ITPR2: variants seen among roughly 807,000 people sequenced by gnomAD.
ITPR2 encodes the protein inositol 1,4,5-trisphosphate receptor type 2.
In ITPR2, 207 loss-of-function variants were observed where a neutral mutation model predicts 317.1. That is an observed-to-expected ratio of 0.65 (90% confidence interval 0.58 to 0.73). The LOEUF (loss-of-function observed/expected upper bound fraction) is 0.73. ITPR2 is among the 30% of genes least tolerant of loss of function. ITPR2 has a pLI of 0.00. For synonymous variants in ITPR2, 1,156 were observed against 1,149.1 expected, an observed-to-expected ratio of 1.01 and a Z score of -0.12; for missense variants, 2,613 against 3,284.0, an observed-to-expected ratio of 0.80 and a Z score of 4.99.
intron 2 of ITPR2, among the ~76,000 whole-genome samples, chr12:26,733,365 C>T (rs1259938485): frequency 6.6e-6 from 1 of 150,984 alleles, no homozygotes; most frequent in Non-Finnish European, 1.5e-5. Flanking sequence ...AACCACTGGC[C>T]AGAAAGTGAA....
chr12:26,372,380 T>G (rs1235797903), intron 55 of ITPR2, among the ~76,000 whole-genome samples: 2 of 152,240 alleles, frequency 1.3e-5, no homozygotes, highest in Non-Finnish European at 2.9e-5. Flanking sequence ...TACAGTTTAA[T>G]TTAAAATGTA....
intron 2 of ITPR2, among the ~76,000 whole-genome samples, chr12:26,746,102 G>A (rs1949317871): frequency 2.0e-5 from 3 of 151,820 alleles, no homozygotes. Context: ...TTACCCAGAA[G>A]AATAGGGGTT....
intron 5 of ITPR2, among the ~76,000 whole-genome samples, chr12:26,720,739 T>C (rs1207307099): frequency 2.0e-5 from 3 of 152,142 alleles, no homozygotes; most frequent in Admixed American, 2.0e-4. Flanking sequence ...CAAGATTGAG[T>C]GTTTGGGTGG....
At chr12:26,821,000 C>G (rs1950930279) in intron 1 of ITPR2, among the ~76,000 whole-genome samples, 1 of 152,078 alleles carries the variant, frequency 6.6e-6, no homozygotes. Context: ...AATTTATTTT[C>G]TAAAGGATAC....
chr12:26,450,736 A>G (rs150706545), intron 45 of ITPR2, among the ~76,000 whole-genome samples: 10 of 152,306 alleles, frequency 6.6e-5, no homozygotes, highest in African/African-American at 1.9e-4. Flanking sequence ...AATATCCAGC[A>G]TAAGTCTCAA....
At chr12:26,665,120 C>T (rs1947595149) in intron 14 of ITPR2, among the ~76,000 whole-genome samples, 1 of 152,150 alleles carries the variant, frequency 6.6e-6, no homozygotes, top group South Asian at 2.1e-4. Context: ...GTGTTATGAA[C>T]AATTTCAAGA....
intron 37 of ITPR2, among the ~76,000 whole-genome samples, chr12:26,501,974 C>T (rs1412538621): frequency 6.6e-6 from 1 of 152,116 alleles, no homozygotes; most frequent in Non-Finnish European, 1.5e-5. Flanking sequence ...TTTGATGCTG[C>T]TGCTGAATGA....
chr12:26,585,269 T>C (rs60341183), intron 32 of ITPR2, among the ~76,000 whole-genome samples: 32,311 of 152,172 alleles, frequency 0.21, 3,582 homozygotes, highest in Middle Eastern at 0.27. Context: ...CCTTTTATAC[T>C]TCATGCTTAA....
Position 26,507,863 on chromosome 12 carries a change from C to CTCTCTGTGTGTG in ITPR2, c.5074-12604_5074-12603insCACACACAGAGA, listed in dbSNP as rs372756412. Among the ~76,000 whole-genome samples, 875 of 132,272 alleles carry CTCTCTGTGTGTG rather than the reference C, an allele frequency of 6.6e-3. 8 individuals are homozygous for CTCTCTGTGTGTG. The highest frequency in any genetic ancestry group is 0.021 in the African/African-American group (744 of 36,212). The allele number at this position is 132,272 out of a possible 152,430, so 86.8% of individuals were successfully genotyped here. Reference sequence around the variant, plus strand: ...TCTCTCTACTCTTCTCTCTCTGTCTCTGTGTGTGTGTGTGTGTGTGTGTGT... The same window carrying CTCTCTGTGTGTG: ...TCTCTCTACTCTTCTCTCTCTGTCTCTCTCTGTGTGTGTGTGTGTGTGTGTGTGTGTGTGTGT... On this transcript the variant is annotated intron_variant, in intron 37 of 56. Coordinates refer to ENST00000381340, the MANE Select transcript of ITPR2 (RefSeq NM_002223.4).
At chr12:26,412,733 A>C (rs987316565) in intron 51 of ITPR2, among the ~76,000 whole-genome samples, 1 of 152,180 alleles carries the variant, frequency 6.6e-6, no homozygotes, top group African/African-American at 2.4e-5. Flanking sequence ...CATAGGACTT[A>C]GATTCATCAA....
At chr12:26,670,504 G>A (rs1947742325) in intron 13 of ITPR2, among the ~76,000 whole-genome samples, 1 of 152,170 alleles carries the variant, frequency 6.6e-6, no homozygotes, top group Non-Finnish European at 1.5e-5. Flanking sequence ...CTGTTAGAAG[G>A]AAAACTAACA....
chr12:26,768,428 A>T (rs1239913783), intron 2 of ITPR2, among the ~76,000 whole-genome samples: 38 of 63,034 alleles, frequency 6.0e-4, no homozygotes, highest in Non-Finnish European at 2.0e-3. Context: ...AAAAAATTAA[A>T]AAAAAATAAA....
chr12:26,832,604 G>C (rs11048706), intron 1 of ITPR2, 86 bp downstream of exon 1: 193,141 of 1,019,062 alleles, frequency 0.19, 19,512 homozygotes, highest in Non-Finnish European at 0.21. Flanking sequence ...GCGCGGCAGC[G>C]GGAGGACCGG....
chr12:26,728,217 G>A (rs2137055877), intron 2 of ITPR2, among the ~76,000 whole-genome samples: 2 of 152,280 alleles, frequency 1.3e-5, no homozygotes, highest in South Asian at 4.1e-4. Flanking sequence ...CAGTAGGGAT[G>A]GAACTGGGGC....
intron 2 of ITPR2, among the ~76,000 whole-genome samples, chr12:26,789,626 T>C (rs1950310798): frequency 6.6e-6 from 1 of 152,242 alleles, no homozygotes; most frequent in South Asian, 2.1e-4. Context: ...AGTTGAGTTA[T>C]AATCAATCTC....
At chr12:26,732,208 A>G (rs1013395277) in intron 2 of ITPR2, among the ~76,000 whole-genome samples, 1 of 152,226 alleles carries the variant, frequency 6.6e-6, no homozygotes, top group African/African-American at 2.4e-5. Context: ...GTCAATTATT[A>G]TACTACGAAA....
In ITPR2 at chr12:26,439,131, G is replaced by C; in HGVS notation, c.6639C>G (p.Ile2213Met). The C allele has an allele frequency of 6.2e-7, 1 of 1,601,606 alleles. No homozygotes were observed. The highest frequency in any genetic ancestry group is 8.5e-7 in the Non-Finnish European group (1 of 1,172,404). The change falls in exon 47 of 57, where the codon ATC (isoleucine) becomes ATG (methionine). Residue 2213 changes from isoleucine to methionine, a missense_variant. Around this residue, in one of 9 missense-constraint regions of ITPR2, gnomAD observed 926 missense variants for 1,072.8 expected, o/e 0.86. Transcript: ENST00000381340. ...LYNEMKWQKK[I>M]RNNPALFWFS... ...ATTTCAGTTTACTGTACTTACTCCT[G>C]ATTTTCTTCTGCCACTTCATTTCAT...
chr12:26,511,365 A>T (rs981021793), intron 37 of ITPR2, among the ~76,000 whole-genome samples: 2 of 152,212 alleles, frequency 1.3e-5, no homozygotes, highest in Non-Finnish European at 2.9e-5. Flanking sequence ...TTGCACACTC[A>T]TACAGTACTC....
chr12:26,358,969 T>C (rs1211468340), intron 55 of ITPR2, among the ~76,000 whole-genome samples: 2 of 152,254 alleles, frequency 1.3e-5, no homozygotes, highest in African/African-American at 4.8e-5. Flanking sequence ...GAGGCTACCA[T>C]TGACAACCCT....
Sources: gnomAD v4.1 joint callset for allele counts (sites outside exome capture counted in the v4.1 genomes callset) on GRCh38, gnomAD v4.1.1 for gene constraint, gnomAD v4.1.1 regional missense constraint, MANE v1.5 for transcripts, NCBI Gene and HGNC (gene_info 2026-07-23, HGNC 2026-07-21) for gene names.